The following NOX4 variants were observed in gnomAD, a reference collection of about 807,000 sequenced individuals.
NOX4 encodes NADPH oxidase 4, also known as kidney oxidase-1.
Under a neutral mutation model 87.6 loss-of-function variants are expected in NOX4, and 69 were observed. The observed-to-expected ratio is 0.79, with a 90% CI of 0.65 to 0.96. The LOEUF is 0.96. Ranked by LOEUF, NOX4 falls within the 40% of genes least tolerant of loss-of-function variation. The pLI, the probability that NOX4 is intolerant of heterozygous loss-of-function variation, is 0.00. For missense variants in NOX4, 680 were observed against 681.5 expected (o/e 1.00, Z 0.02); for synonymous variants, 275 against 238.2 (o/e 1.15, Z -1.42).
upstream of NOX4, among the ~76,000 whole-genome samples, chr11:89,501,912 T>G: frequency 6.6e-6 from 1 of 152,066 alleles, no homozygotes; most frequent in African/African-American, 2.4e-5. Context: ...GTTTTTATGT[T>G]TCTGAATGGG....
At chr11:89,360,338 A>G (rs1938424058) in intron 12 of NOX4, among the ~76,000 whole-genome samples, 1 of 152,126 alleles carries the variant, frequency 6.6e-6, no homozygotes, top group African/African-American at 2.4e-5. Flanking sequence ...GTAGATCTTA[A>G]GTATTCTTAC....
intron 2 of NOX4, among the ~76,000 whole-genome samples, chr11:89,457,882 A>C (rs796674972): frequency 2.3e-4 from 35 of 152,308 alleles, no homozygotes; most frequent in African/African-American, 8.4e-4. Flanking sequence ...GAGAATTACA[A>C]AACACTGCTG....
At chr11:89,542,171 C>T in the NOX4 span, among the ~76,000 whole-genome samples, 24 of 152,190 alleles carry the variant, frequency 1.6e-4, no homozygotes, top group Admixed American at 1.4e-3. Flanking sequence ...GTAAATATTT[C>T]TCTTTTTACT....
intron 11 of NOX4, among the ~76,000 whole-genome samples, chr11:89,385,455 T>C (rs1940633886): frequency 6.6e-6 from 1 of 152,140 alleles, no homozygotes; most frequent in Admixed American, 6.5e-5. Context: ...CACTGAAACT[T>C]CCAACTATCA....
rs773734282 is a variant in NOX4, at chr11:89,451,846, C to T, written c.203G>A (p.Cys68Tyr). Residue 68 changes from cysteine (C) to tyrosine (Y), a missense_variant, in exon 3 of 18, where the codon TGC becomes TAC. Physicochemically the swap from Cys to Tyr is radical, Grantham distance 194 (BLOSUM62 -2). Transcript: ENST00000263317. ...GCACATGGGTAAAAGGATAAGGCTG[C>T]AGTTGAGGTTAAGAACAGATGCTGA... is the stretch of plus-strand genomic sequence containing the variant. ...RASASVLNLNCSLILLPMCRT... is the reference protein window; with the variant it reads ...RASASVLNLNYSLILLPMCRT... 2.5e-6 allele frequency: 4 copies of T among 1,613,386 alleles called. No individual in the cohort carries two copies.
At chr11:89,567,911 G>A in the NOX4 span, among the ~76,000 whole-genome samples, 1 of 152,146 alleles carries the variant, frequency 6.6e-6, no homozygotes, top group Non-Finnish European at 1.5e-5. Context: ...CCATCACACT[G>A]CCATCACACT....
chr11:89,402,105 G>A (rs1941890266), intron 9 of NOX4, among the ~76,000 whole-genome samples: 1 of 151,990 alleles, frequency 6.6e-6, no homozygotes, highest in Non-Finnish European at 1.5e-5. Flanking sequence ...AGGTCATATG[G>A]TCAGTTAAGT....
intron 7 of NOX4, among the ~76,000 whole-genome samples, chr11:89,423,885 C>A (rs1174515635): frequency 6.6e-6 from 1 of 151,648 alleles, no homozygotes; most frequent in Non-Finnish European, 1.5e-5. Context: ...GAAACCTTGA[C>A]CTTACGAAAA....
At chr11:89,430,197 C>A (rs936998490) in intron 7 of NOX4, among the ~76,000 whole-genome samples, 1 of 152,120 alleles carries the variant, frequency 6.6e-6, no homozygotes, top group South Asian at 2.1e-4. Flanking sequence ...ATTGATGGGA[C>A]ATATGTCAAA....
chr11:89,449,307 A>G (rs757651914), intron 4 of NOX4, 133 bp downstream of exon 4: 4 of 609,544 alleles, frequency 6.6e-6, no homozygotes, highest in South Asian at 2.4e-5. Context: ...AATTACCCCA[A>G]ATTGTCATCA....
At chr11:89,397,914 T>C (rs141867166) in intron 11 of NOX4, among the ~76,000 whole-genome samples, 2,596 of 152,136 alleles carry the variant, frequency 0.017, 91 homozygotes, top group African/African-American at 0.059. Context: ...CCATTCCTTC[T>C]GAAACTATTC....
At chr11:89,502,097 A>G (rs1417365464), upstream of NOX4, among the ~76,000 whole-genome samples, 1 of 152,016 alleles carries the variant, frequency 6.6e-6, no homozygotes, top group Non-Finnish European at 1.5e-5. Flanking sequence ...CAGTAACTGA[A>G]TAAGATTTTA....
At position 89,471,828 on chromosome 11, in the gene NOX4, G is replaced by A. The variant is rs139951104; in HGVS notation, c.153+18630C>T. On this transcript the variant is annotated intron_variant, in intron 2 of 17. Transcript: ENST00000263317. Reference sequence around the variant, plus strand: ...GCAATCTCAGCTCACTGCAACCTCCGCCTCCTGGGTTCAAGCTATTCTTCT... The same window carrying A: ...GCAATCTCAGCTCACTGCAACCTCCACCTCCTGGGTTCAAGCTATTCTTCT... Among the ~76,000 whole-genome samples, 456 of 152,218 alleles carry A rather than the reference G, an allele frequency of 3.0e-3. 3 individuals are homozygous for A. The highest frequency in any genetic ancestry group is 9.3e-3 in the African/African-American group (384 of 41,512).
chr11:89,546,035 A>C, the NOX4 span, among the ~76,000 whole-genome samples: 4 of 152,138 alleles, frequency 2.6e-5, no homozygotes, highest in African/African-American at 9.7e-5. Flanking sequence ...ATATTTAAAA[A>C]TTTCTCTGCA....
At chr11:89,538,158 C>A in the NOX4 span, among the ~76,000 whole-genome samples, 12 of 152,170 alleles carry the variant, frequency 7.9e-5, no homozygotes, top group Non-Finnish European at 1.5e-4. Context: ...GGGAAATGCA[C>A]CCAACTGCAG....
At chr11:89,341,993 T>G (rs1946022586) in intron 14 of NOX4, 81 bp downstream of exon 14, 9 of 1,210,646 alleles carry the variant, frequency 7.4e-6, no homozygotes, top group Non-Finnish European at 1.0e-5. Context: ...CAATAAGGAA[T>G]TATTTTATAC....
the NOX4 span, chr11:89,548,766 T>G: frequency 6.6e-6 from 1 of 152,204 alleles, no homozygotes; most frequent in Non-Finnish European, 1.5e-5. Context: ...ATCTGGTATT[T>G]TATAAAAAGA....
intron 2 of NOX4, among the ~76,000 whole-genome samples, chr11:89,454,566 C>G (rs1012147090): frequency 2.0e-4 from 31 of 152,060 alleles, no homozygotes; most frequent in Non-Finnish European, 3.8e-4. Flanking sequence ...CAATGACAAC[C>G]ATTAAATTAT....
At chr11:89,438,864 ATT>A (rs1346165379) in intron 6 of NOX4, among the ~76,000 whole-genome samples, 13 of 44,390 alleles carry the variant, frequency 2.9e-4, no homozygotes, top group South Asian at 2.7e-3. Flanking sequence ...TATATTATAT[ATT>A]ATATATATAA....
Sources: gnomAD v4.1 joint callset for allele counts (sites outside exome capture counted in the v4.1 genomes callset) on GRCh38, gnomAD v4.1.1 for gene constraint, MANE v1.5 for transcripts, NCBI Gene and HGNC (gene_info 2026-07-23, HGNC 2026-07-21) for gene names.